SNX18: variants seen among roughly 807,000 people sequenced by gnomAD.
SNX18 encodes sorting nexin-18.
SNX18 carries 35 observed loss-of-function variants against 48.7 expected under a neutral mutation model. The observed-to-expected ratio is 0.72, with a 90% CI of 0.55 to 0.95. The LOEUF (loss-of-function observed/expected upper bound fraction) is 0.95. SNX18 is among the 40% of genes least tolerant of loss of function. SNX18 has a pLI of 0.00. For missense variants in SNX18, 824 were observed against 871.0 expected (o/e 0.95, Z 0.68); for synonymous variants, 492 against 384.7 (o/e 1.28, Z -3.26).
the SNX18 span, among the ~76,000 whole-genome samples, chr5:54,606,843 T>C: frequency 2.0e-5 from 3 of 152,130 alleles, no homozygotes; most frequent in Non-Finnish European, 4.4e-5. Context: ...TGTGTGAAAA[T>C]TGCACAGTTC....
chr5:54,552,574 GC>G, the SNX18 span, among the ~76,000 whole-genome samples: 1 of 152,190 alleles, frequency 6.6e-6, no homozygotes, highest in East Asian at 1.9e-4. Flanking sequence ...TCACCCCAGT[GC>G]CAGCACACAT....
At chr5:54,531,800 G>C (rs1355007437) in intron 1 of SNX18, among the ~76,000 whole-genome samples, 1 of 152,190 alleles carries the variant, frequency 6.6e-6, no homozygotes, top group Non-Finnish European at 1.5e-5. Flanking sequence ...TCGTGATCGT[G>C]AAGGGATGTG....
chr5:54,560,557 G>A, the SNX18 span, among the ~76,000 whole-genome samples: 29 of 152,136 alleles, frequency 1.9e-4, no homozygotes, highest in African/African-American at 6.0e-4. Flanking sequence ...GAAATAGTCT[G>A]TACAACAAAC....
At chr5:54,631,337 T>C in the SNX18 span, among the ~76,000 whole-genome samples, 1 of 152,248 alleles carries the variant, frequency 6.6e-6, no homozygotes, top group Non-Finnish European at 1.5e-5. Context: ...GTTGCAAGGA[T>C]AATCAATTAT....
the SNX18 span, among the ~76,000 whole-genome samples, chr5:54,567,295 A>ATCAC: frequency 7.2e-5 from 11 of 151,854 alleles, no homozygotes; most frequent in Admixed American, 2.0e-4. Flanking sequence ...ATTGTGTGTG[A>ATCAC]GGACAAAGGT....
At chr5:54,587,845 C>T in the SNX18 span, among the ~76,000 whole-genome samples, 387 of 152,276 alleles carry the variant, frequency 2.5e-3, 3 homozygotes, top group Non-Finnish European at 4.1e-3. Context: ...TTTTAAGGCA[C>T]GTGGCCATCA....
intron 1 of SNX18, among the ~76,000 whole-genome samples, chr5:54,538,638 T>G (rs1362060946): frequency 1.3e-5 from 2 of 152,232 alleles, no homozygotes; most frequent in African/African-American, 4.8e-5. Context: ...ATTTTAAAAC[T>G]TTGCAAAGTA....
At position 54,517,883 on chromosome 5, in the gene SNX18, C is replaced by T. The variant is rs898798294; in HGVS notation, c.-70C>T. On this transcript the variant is annotated 5_prime_UTR_variant, in exon 1 of 2. Transcript: ENST00000381410. ...CCGCGCGCCAGGGCTCGAGCAGTAC[C>T]GCGGGCCCCTCAGGTGGGCCTCGGC... 2.8e-6 allele frequency: 4 copies of T among 1,415,730 alleles called. No homozygotes were observed. The highest frequency in any genetic ancestry group is 3.7e-6 in the Non-Finnish European group (4 of 1,092,538). 87.7% of individuals were successfully genotyped at this position (1,415,730 alleles called of 1,614,324 possible).
the SNX18 span, among the ~76,000 whole-genome samples, chr5:54,601,696 A>C: frequency 6.6e-6 from 1 of 152,102 alleles, no homozygotes; most frequent in African/African-American, 2.4e-5. Flanking sequence ...TCGTCCCCAT[A>C]GTCCCCACTG....
rs749030136 is a variant in SNX18, at chr5:54,545,729, G to A, written c.*2297G>A. On this transcript the variant is annotated 3_prime_UTR_variant, in exon 2 of 2. Transcript: ENST00000381410. ...TCATCTAAGATCTTTATTCTCTAACGTTCTTGGTCCTATTGAAACATTGCA... is the reference window on the plus strand; with the variant it reads ...TCATCTAAGATCTTTATTCTCTAACATTCTTGGTCCTATTGAAACATTGCA... The A allele has an allele frequency of 6.6e-6, 1 of 151,982 alleles. No homozygotes were observed. The highest frequency in any genetic ancestry group is 1.5e-5 in the Non-Finnish European group (1 of 68,000). 9.4% of individuals were successfully genotyped at this position (151,982 alleles called of 1,614,324 possible).
At chr5:54,639,647 A>G in the SNX18 span, among the ~76,000 whole-genome samples, 1 of 152,212 alleles carries the variant, frequency 6.6e-6, no homozygotes, top group Non-Finnish European at 1.5e-5. Context: ...AACTTGCTCA[A>G]AGTAAGTTAC....
the SNX18 span, among the ~76,000 whole-genome samples, chr5:54,626,119 C>T: frequency 1.3e-5 from 2 of 152,072 alleles, no homozygotes; most frequent in East Asian, 3.9e-4. Flanking sequence ...TTAAGCTGGG[C>T]TTATTTCACT....
the SNX18 span, among the ~76,000 whole-genome samples, chr5:54,551,839 C>T: frequency 2.6e-5 from 4 of 152,254 alleles, no homozygotes; most frequent in African/African-American, 9.6e-5. Context: ...CACACCGGGC[C>T]CAGAGCAGTA....
chr5:54,594,362 A>G, the SNX18 span, among the ~76,000 whole-genome samples: 1 of 152,164 alleles, frequency 6.6e-6, no homozygotes, highest in Non-Finnish European at 1.5e-5. Context: ...AACTCATGAG[A>G]CTGTACCCTT....
the SNX18 span, among the ~76,000 whole-genome samples, chr5:54,611,713 A>C: frequency 6.6e-6 from 1 of 151,976 alleles, no homozygotes; most frequent in African/African-American, 2.4e-5. Flanking sequence ...AACGCCACTC[A>C]CATAAGCCTT....
the SNX18 span, among the ~76,000 whole-genome samples, chr5:54,610,095 G>A: frequency 3.3e-5 from 5 of 152,126 alleles, no homozygotes. Context: ...GCAGATGCCA[G>A]CACCATGCTT....
the SNX18 span, among the ~76,000 whole-genome samples, chr5:54,583,309 T>A: frequency 2.6e-5 from 4 of 152,320 alleles, no homozygotes; most frequent in Admixed American, 6.5e-5. Context: ...AAAGCAAGCT[T>A]CCTTCTGAGA....
chr5:54,543,713 T>G lies in SNX18; in HGVS notation c.*281T>G, dbSNP rs919963813. ...GATTATACTATTTGCCTTATTGCTT[T>G]TTGAAGTATGGGTATTTTAGTGCAT... On this transcript the variant is annotated 3_prime_UTR_variant, in exon 2 of 2. Coordinates refer to ENST00000381410, the MANE Select transcript of SNX18 (RefSeq NM_001102575.2). 3 of 329,626 alleles carry G rather than the reference T, an allele frequency of 9.1e-6. No individual in the cohort carries two copies. The highest frequency in any genetic ancestry group is 6.4e-5 in the African/African-American group (3 of 46,630). The allele number at this position is 329,626 out of a possible 1,614,324, so 20.4% of individuals were successfully genotyped here.
chr5:54,641,479 G>A, the SNX18 span, among the ~76,000 whole-genome samples: 1 of 152,060 alleles, frequency 6.6e-6, no homozygotes. Flanking sequence ...GATGGGGCTG[G>A]AGCCATTCTG....
Sources: gnomAD v4.1 joint callset for allele counts (sites outside exome capture counted in the v4.1 genomes callset) on GRCh38, gnomAD v4.1.1 for gene constraint, MANE v1.5 for transcripts, NCBI Gene and HGNC (gene_info 2026-07-23, HGNC 2026-07-21) for gene names.